Variants in CNOT6L observed in about 807,000 individuals in gnomAD.
The protein encoded by CNOT6L is CCR4-NOT transcription complex subunit 6-like.
Under a neutral mutation model 64.0 loss-of-function variants are expected in CNOT6L, and 7 were observed. That is an observed-to-expected ratio of 0.11 (90% CI 0.06 to 0.21). The LOEUF (loss-of-function observed/expected upper bound fraction) is 0.21, where lower values mean the gene tolerates loss of function less well. Among genes scored for constraint, CNOT6L ranks in the 10% least tolerant of loss-of-function variants. The pLI is 1.00. For synonymous variants in CNOT6L, 193 were observed against 243.4 expected, an observed-to-expected ratio of 0.79 and a Z score of 1.93; for missense variants, 245 against 669.0, an observed-to-expected ratio of 0.37 and a Z score of 6.99.
chr4:77,732,222 A>G (rs1410269017), intron 8 of CNOT6L, among the ~76,000 whole-genome samples: 1 of 152,092 alleles, frequency 6.6e-6, no homozygotes, highest in Non-Finnish European at 1.5e-5. Flanking sequence ...TTCTGCACTA[A>G]TAATTTTTTC....
At chr4:77,807,276 C>CAAAAAAAAA (rs58452605) in intron 1 of CNOT6L, among the ~76,000 whole-genome samples, 37 of 108,188 alleles carry the variant, frequency 3.4e-4, no homozygotes, top group African/African-American at 1.6e-3. Context: ...GACTCCATCT[C>CAAAAAAAAA]AAAAAAAAAA....
intron 1 of CNOT6L, among the ~76,000 whole-genome samples, chr4:77,793,511 T>C (rs1475113733): frequency 6.6e-6 from 1 of 152,138 alleles, no homozygotes. Context: ...CACAGTGGGA[T>C]TTAACCCAAG....
intron 1 of CNOT6L, among the ~76,000 whole-genome samples, chr4:77,791,572 T>C (rs961859318): frequency 6.6e-6 from 1 of 152,210 alleles, no homozygotes. Flanking sequence ...AGAACATTTA[T>C]GGTTTTTTGT....
rs750625338 is a variant in CNOT6L at position 77,773,073 on chromosome 4, T to G, written c.400+8A>C. On this transcript the variant is annotated splice_region_variant and intron_variant, in intron 4 of 11. Coordinates refer to ENST00000504123, the MANE Select transcript of CNOT6L (RefSeq NM_144571.3). ...AGAATACCTCAAAACTGTTTAAAAA[T>G]CACTTACCTTTCAAACCTAGAGTTT... The G allele has an allele frequency of 6.3e-7, 1 of 1,580,802 alleles. No homozygotes were observed. The highest frequency in any genetic ancestry group is 8.6e-7 in the Non-Finnish European group (1 of 1,160,934).
chr4:77,758,733 C>G (rs1198301569), intron 4 of CNOT6L, among the ~76,000 whole-genome samples: 1 of 152,214 alleles, frequency 6.6e-6, no homozygotes, highest in African/African-American at 2.4e-5. Flanking sequence ...AGTCTTAGGG[C>G]ATTCCCACAC....
In CNOT6L at chr4:77,819,108, G is replaced by C. The variant is rs761736096; in HGVS notation, c.5+196C>G. ...CCTTCGCCCGCCTCTGAAGAGACGC[G>C]GGTCAGCCCCGCCGCCCCCTCCAGT... On this transcript the variant is annotated intron_variant, in intron 1 of 11. Coordinates refer to ENST00000504123, the MANE Select transcript of CNOT6L (RefSeq NM_144571.3). The C allele has an allele frequency of 1.6e-5, 15 of 928,048 alleles. No homozygotes were observed. In the East Asian group the frequency reaches 4.1e-4, roughly 25 times the overall value. 57.5% of individuals were successfully genotyped at this position (928,048 alleles called of 1,614,324 possible). A position where few individuals can be genotyped will look rare whatever the true frequency, so the allele number is the denominator to read the frequency against.
intron 2 of CNOT6L, 33 bp from the exon 3 acceptor site, chr4:77,774,749 A>T (rs765376433): frequency 2.1e-6 from 3 of 1,415,280 alleles, no homozygotes; most frequent in East Asian, 5.2e-5. Context: ...GTAAAAAAAA[A>T]CCCCAGGCCC....
At chr4:77,789,595 G>C (rs1464935366) in intron 1 of CNOT6L, among the ~76,000 whole-genome samples, 1 of 151,368 alleles carries the variant, frequency 6.6e-6, no homozygotes, top group East Asian at 2.0e-4. Flanking sequence ...AGGAGGTTAA[G>C]GCTGCAGTGA....
intron 1 of CNOT6L, among the ~76,000 whole-genome samples, chr4:77,796,552 C>G (rs1730874094): frequency 6.6e-6 from 1 of 152,164 alleles, no homozygotes; most frequent in Admixed American, 6.5e-5. Flanking sequence ...TGAGGCCTCC[C>G]AGTCATGCTT....
chr4:77,736,753 C>T (rs576949364), intron 8 of CNOT6L, among the ~76,000 whole-genome samples: 1 of 152,020 alleles, frequency 6.6e-6, no homozygotes, highest in East Asian at 1.9e-4. Flanking sequence ...GACTGGTATA[C>T]AGATGCTAAA....
chr4:77,748,442 G>T, intron 5 of CNOT6L, 58 bp from the exon 6 acceptor site: 1 of 1,094,616 alleles, frequency 9.1e-7, no homozygotes, highest in Non-Finnish European at 1.4e-6. Context: ...TCTGAAATGT[G>T]TTTATAATGT....
At chr4:77,733,911 GT>G (rs1722693921) in intron 8 of CNOT6L, among the ~76,000 whole-genome samples, 1 of 152,072 alleles carries the variant, frequency 6.6e-6, no homozygotes, top group African/African-American at 2.4e-5. Flanking sequence ...GATGTGTGAT[GT>G]TGTTCATCTG....
At chr4:77,761,437 A>AT (rs1726215494) in intron 4 of CNOT6L, among the ~76,000 whole-genome samples, 2 of 152,228 alleles carry the variant, frequency 1.3e-5, no homozygotes, top group African/African-American at 2.4e-5. Flanking sequence ...TTCCAAGCTC[A>AT]TATGGTTTTA....
chr4:77,802,047 TTTTAA>T (rs1269426670), intron 1 of CNOT6L, among the ~76,000 whole-genome samples: 3 of 152,264 alleles, frequency 2.0e-5, no homozygotes, highest in African/African-American at 7.2e-5. Flanking sequence ...TTATACATAA[TTTTAA>T]TTTAGTGAAG....
At chr4:77,808,565 G>A (rs1732523081) in intron 1 of CNOT6L, among the ~76,000 whole-genome samples, 1 of 151,902 alleles carries the variant, frequency 6.6e-6, no homozygotes, top group Non-Finnish European at 1.5e-5. Context: ...TATTATTAAA[G>A]GACTGTAAGC....
At chr4:77,725,986 GACA>G (rs1560572426) in intron 11 of CNOT6L, 178 bp downstream of exon 11, 6 of 597,472 alleles carry the variant, frequency 1.0e-5, no homozygotes, top group East Asian at 2.8e-5. Context: ...AAGAATTTAA[GACA>G]ACAATAGCCA....
intron 1 of CNOT6L, among the ~76,000 whole-genome samples, chr4:77,789,055 T>C (rs183696557): frequency 8.7e-4 from 133 of 152,334 alleles, no homozygotes; most frequent in African/African-American, 3.0e-3. Context: ...GATAATGTTT[T>C]CAATTTTTTA....
At chr4:77,744,943 CAT>C (rs1204778311) in intron 6 of CNOT6L, 68 bp from the exon 7 acceptor site, 3 of 1,328,990 alleles carry the variant, frequency 2.3e-6, no homozygotes, top group South Asian at 2.8e-5. Flanking sequence ...AAAGCAATAT[CAT>C]GTGTACACCT....
intron 1 of CNOT6L, among the ~76,000 whole-genome samples, chr4:77,811,623 A>G (rs1027345378): frequency 1.3e-5 from 2 of 152,156 alleles, no homozygotes; most frequent in Admixed American, 6.5e-5. Context: ...TCCTCCAGCA[A>G]GATAAGCATT....
Sources: allele counts gnomAD v4.1 joint callset (sites outside exome capture counted in the v4.1 genomes callset), GRCh38; gene constraint gnomAD v4.1.1; transcripts MANE v1.5; gene names NCBI Gene and HGNC (gene_info 2026-07-23, HGNC 2026-07-21).